SH2D6: variants seen among roughly 807,000 people sequenced by gnomAD.
SH2D6 encodes SH2 domain containing 6.
Under a neutral mutation model 30.2 loss-of-function variants are expected in SH2D6, and 31 were observed. The observed-to-expected ratio is 1.03, with a 90% confidence interval of 0.77 to 1.38. SH2D6 has a LOEUF of 1.38. Among genes scored for constraint, SH2D6 ranks in the 40% most tolerant of loss-of-function variants. The pLI is 0.00. For synonymous variants in SH2D6, 93 were observed against 104.6 expected, an observed-to-expected ratio of 0.89 and a Z score of 0.68; for missense variants, 240 against 266.8, an observed-to-expected ratio of 0.90 and a Z score of 0.70.
chr2:85,434,629 A>C (rs1244613953), intron 19 of SH2D6, 132 bp downstream of exon 19: 42 of 1,373,024 alleles, frequency 3.1e-5, no homozygotes, highest in Non-Finnish European at 3.9e-5. Flanking sequence ...AAAAAAAAAA[A>C]AAAAAACTAG....
chr2:85,421,149 G>A (rs1394859916), intron 2 of SH2D6, among the ~76,000 whole-genome samples: 2 of 152,224 alleles, frequency 1.3e-5, no homozygotes, highest in Non-Finnish European at 2.9e-5. Context: ...GCCTAAGCAG[G>A]GCCATGTTAC....
At position 85,422,580 on chromosome 2, in the gene SH2D6, T is replaced by C. The variant is rs535222075; in HGVS notation, c.-403-16T>C. On this transcript the variant is annotated splice_polypyrimidine_tract_variant and intron_variant, in intron 4 of 23. Transcript: ENST00000469800. ...GATCTTTCCAGGCATCAAGAAGCAT[T>C]TGGTTTCTGTTCAAGGAGCCATGAG... 3 of 152,194 alleles carry C rather than the reference T, an allele frequency of 2.0e-5. No individual in the cohort carries two copies. The highest frequency in any genetic ancestry group is 4.4e-5 in the Non-Finnish European group (3 of 68,056). The allele number at this position is 152,194 out of a possible 1,614,324, so 9.4% of individuals were successfully genotyped here. A position where few individuals can be genotyped will look rare whatever the true frequency, so the allele number is the denominator to read the frequency against.
intron 9 of SH2D6, 111 bp downstream of exon 9, chr2:85,429,723 C>T (rs531530823): frequency 1.3e-5 from 2 of 152,874 alleles, no homozygotes; most frequent in Admixed American, 1.3e-4. Flanking sequence ...TGGCCCCTCT[C>T]TGCCCAGGGA....
chr2:85,422,940 T>C (rs1687797686), intron 5 of SH2D6, among the ~76,000 whole-genome samples: 1 of 152,228 alleles, frequency 6.6e-6, no homozygotes, highest in South Asian at 2.1e-4. Flanking sequence ...CAGGCTGGAG[T>C]GCAATGGCAC....
At chr2:85,422,892 T>G (rs1340543588) in intron 5 of SH2D6, among the ~76,000 whole-genome samples, 1 of 152,136 alleles carries the variant, frequency 6.6e-6, no homozygotes, top group African/African-American at 2.4e-5. Flanking sequence ...GTTTGTTTGT[T>G]TTGTTTTGTT....
Position 85,436,415 on chromosome 2 carries a change from C to T in SH2D6, c.892-51C>T, listed in dbSNP as rs370178052. 46 of 1,406,048 alleles carry T rather than the reference C, an allele frequency of 3.3e-5. No individual in the cohort carries two copies. The African/African-American group carries it at 5.2e-4, about 16-fold the overall frequency. 87.1% of individuals were successfully genotyped at this position (1,406,048 alleles called of 1,614,324 possible). A position where few individuals can be genotyped will look rare whatever the true frequency, so the allele number is the denominator to read the frequency against. On this transcript the variant is annotated intron_variant, in intron 22 of 23. Coordinates refer to ENST00000469800, the MANE Select transcript of SH2D6 (RefSeq NM_001394463.1). Reference sequence around the variant, plus strand: ...GTCCCACAGTTGCCTCAGGAAATTGCTCCCAGCATGAGGCTCATGGGACTC... The same window carrying T: ...GTCCCACAGTTGCCTCAGGAAATTGTTCCCAGCATGAGGCTCATGGGACTC...
Position 85,434,029 on chromosome 2 carries a change from T to C in SH2D6, c.455-4T>C, listed in dbSNP as rs1689089398. ...CGAGCCCAGCCTGCCCCTCCCTGTT[T>C]CAGTCCTGGCTTTGACTCAGACTCT... On this transcript the variant is annotated splice_region_variant and splice_polypyrimidine_tract_variant and intron_variant, in intron 16 of 23. Transcript: ENST00000469800. 1.9e-6 allele frequency: 3 copies of C among 1,550,054 alleles called. No individual in the cohort carries two copies. The highest frequency in any genetic ancestry group is 2.6e-6 in the Non-Finnish European group (3 of 1,146,698).
intron 6 of SH2D6, among the ~76,000 whole-genome samples, chr2:85,426,804 C>G (rs186435973): frequency 1.9e-3 from 283 of 152,368 alleles, no homozygotes; most frequent in African/African-American, 6.5e-3. Context: ...GGAACCCCAG[C>G]TTGAAGCCAG....
At position 85,434,329 on chromosome 2, in the gene SH2D6, G is replaced by T; in HGVS notation, c.534-11G>T. 6.5e-7 allele frequency: 1 copy of T among 1,542,576 alleles called. No individual in the cohort carries two copies. The highest frequency in any genetic ancestry group is 8.8e-7 in the Non-Finnish European group (1 of 1,141,586). On this transcript the variant is annotated splice_polypyrimidine_tract_variant and intron_variant, in intron 17 of 23. Transcript: ENST00000469800. Reference sequence around the variant, plus strand: ...GACCCTGAGTTCTGTCCCCCGATTTGCTTCCCACAGGCCTACCACAGCCCC... The same window carrying T: ...GACCCTGAGTTCTGTCCCCCGATTTTCTTCCCACAGGCCTACCACAGCCCC...
rs140583189 is a variant in SH2D6 at position 85,435,783 on chromosome 2, C to T, written c.850C>T (p.Arg284Cys). ...NIPIRRLDGG[R>C]HYALGREGRN... is the part of the protein sequence containing the mutation. ...TCCCATCCGGCGGCTGGATGGCGGA[C>T]GCCACTATGCCCTGGGCCGGGAGGG... is the stretch of plus-strand genomic sequence containing the variant. Residue 284 changes from arginine to cysteine, a missense_variant, in exon 22 of 24, where the codon CGC becomes TGC. By Grantham distance (180) the Arg-to-Cys change is radical (BLOSUM62 -3). Transcript: ENST00000469800. 4.7e-5 allele frequency: 76 copies of T among 1,605,018 alleles called. No homozygotes were observed. Among genetic ancestry groups the T allele is most frequent in the Admixed American group, 1.9e-4 (11 of 58,460 alleles).
intron 6 of SH2D6, among the ~76,000 whole-genome samples, chr2:85,427,013 C>T (rs777567373): frequency 8.5e-5 from 13 of 152,300 alleles, no homozygotes; most frequent in East Asian, 1.9e-4. Context: ...CTGCCCACCC[C>T]GCCACCACGT....
intron 6 of SH2D6, among the ~76,000 whole-genome samples, chr2:85,425,918 T>C (rs1300674188): frequency 6.6e-6 from 1 of 152,202 alleles, no homozygotes; most frequent in African/African-American, 2.4e-5. Context: ...TGGCAGACCC[T>C]GCACCTCAGC....
rs201856380 is a variant in SH2D6 at position 85,436,538 on chromosome 2, G to A, written c.964G>A (p.Gly322Ser). The change falls in exon 23 of 24, where the codon GGC (glycine) becomes AGC (serine). Residue 322 changes from glycine to serine, a missense_variant. Physicochemically the swap from Gly to Ser is moderately conservative, Grantham distance 56. Transcript: ENST00000469800. ...HPLPLVDRHS[G>S]SRELTCLLFP... ...TCTGCCCCTTGTGGACAGACACAGC[G>A]GCAGCCGGGAACTCACCTGCCTGCT... The A allele has an allele frequency of 9.9e-5, 160 of 1,613,464 alleles. No homozygotes were observed. Among genetic ancestry groups the A allele is most frequent in the Non-Finnish European group, 1.3e-4 (153 of 1,179,994 alleles).
chr2:85,420,996 AG>A (rs1490091850), intron 2 of SH2D6: 1 of 152,434 alleles, frequency 6.6e-6, no homozygotes, highest in African/African-American at 2.4e-5. Context: ...GGGTGATCTC[AG>A]GGCCCTCCAG....
At chr2:85,434,243 G>A in intron 17 of SH2D6, 97 bp from the exon 18 acceptor site, 6 of 1,512,228 alleles carry the variant, frequency 4.0e-6, no homozygotes, top group South Asian at 1.3e-5. Flanking sequence ...GTTGTTGGCA[G>A]TGGTGGCAGG....
At position 85,436,602 on chromosome 2, in the gene SH2D6, C is replaced by A. The variant is rs763409408; in HGVS notation, c.*12+8C>A. On this transcript the variant is annotated splice_region_variant and intron_variant, in intron 23 of 23. Coordinates refer to ENST00000469800, the MANE Select transcript of SH2D6 (RefSeq NM_001394463.1). Reference sequence around the variant, plus strand: ...CCTTGAGGCCACAGCGAAGTACACACCGCCTTTGGCCCCAGTTTGCTTCTT... The same window carrying A: ...CCTTGAGGCCACAGCGAAGTACACAACGCCTTTGGCCCCAGTTTGCTTCTT... 1 of 1,599,992 alleles carries A rather than the reference C, an allele frequency of 6.3e-7. No individual in the cohort carries two copies. Among genetic ancestry groups the A allele is most frequent in the Non-Finnish European group, 8.6e-7 (1 of 1,167,576 alleles).
intron 19 of SH2D6, 54 bp from the exon 20 acceptor site, chr2:85,435,011 G>GCCCCCCCCCC: frequency 1.1e-6 from 1 of 932,142 alleles, no homozygotes; most frequent in Non-Finnish European, 1.4e-6. Context: ...AGCCACCTTT[G>GCCCCCCCCCC]CCCACCCCCA....
At chr2:85,434,005 G>A (rs1028924696) in intron 16 of SH2D6, 28 bp from the exon 17 acceptor site, 33 of 1,543,342 alleles carry the variant, frequency 2.1e-5, no homozygotes, top group Middle Eastern at 3.4e-4. Context: ...GTGCTCAGCC[G>A]AGCCCAGCCT....
intron 22 of SH2D6, among the ~76,000 whole-genome samples, chr2:85,436,138 A>AGGACTCAATGTC (rs1689429040): frequency 6.6e-6 from 1 of 152,138 alleles, no homozygotes; most frequent in Admixed American, 6.5e-5. Context: ...TGTCGCACCC[A>AGGACTCAATGTC]GCATTTGCTA....
Sources: allele counts gnomAD v4.1 joint callset (sites outside exome capture counted in the v4.1 genomes callset), GRCh38; gene constraint gnomAD v4.1.1; transcripts MANE v1.5; gene names NCBI Gene and HGNC (gene_info 2026-07-23, HGNC 2026-07-21).